Variants in METTL8 observed in about 807,000 individuals in gnomAD.
METTL8 encodes methyltransferase 8, tRNA N3-cytidine, also known as tRNA N(3)-cytidine methyltransferase METTL8, mitochondrial.
Under a neutral mutation model 48.7 loss-of-function variants are expected in METTL8, and 32 were observed. That is an observed-to-expected ratio of 0.66 (90% CI 0.50 to 0.88). The LOEUF (loss-of-function observed/expected upper bound fraction) is 0.88, where lower values mean the gene tolerates loss of function less well. Ranked by LOEUF, METTL8 falls within the 40% of genes least tolerant of loss-of-function variation. The pLI, the probability that METTL8 is intolerant of heterozygous loss-of-function variation, is 0.00. For missense variants in METTL8, 464 were observed against 474.4 expected, an observed-to-expected ratio of 0.98 and a Z score of 0.20; for synonymous variants, 136 against 157.1, an observed-to-expected ratio of 0.87 and a Z score of 1.01.
chr2:171,328,811 T>A lies in METTL8; in HGVS notation c.860+1748A>T, dbSNP rs1246029947. On this transcript the variant is annotated intron_variant, in intron 7 of 9. Transcript: ENST00000375258. ...TTTAAGCAATTCTCCTGTCTCAGCC[T>A]CCCAAGTAGCTGGGACTACAGGTGT... 2.6e-5 allele frequency among the ~76,000 whole-genome samples: 4 copies of A among 152,118 alleles called. No individual in the cohort carries two copies. In the East Asian group the frequency reaches 7.7e-4, roughly 29 times the overall value.
chr2:171,404,982 A>G (rs1429589573), intron 1 of METTL8, among the ~76,000 whole-genome samples: 1 of 152,214 alleles, frequency 6.6e-6, no homozygotes, highest in African/African-American at 2.4e-5. Context: ...CAATGACTAG[A>G]TGTAAAAGTT....
chr2:171,383,789 C>T lies in METTL8; in HGVS notation c.143+8254G>A, dbSNP rs75851745. Among the ~76,000 whole-genome samples, 46 of 152,300 alleles carry T rather than the reference C, an allele frequency of 3.0e-4. 1 individual carries two copies. The East Asian group carries it at 6.4e-3, about 21-fold the overall frequency. On this transcript the variant is annotated intron_variant, in intron 2 of 9. Coordinates refer to ENST00000375258, the MANE Select transcript of METTL8 (RefSeq NM_001321154.2). The stretch of plus-strand genomic sequence containing the variant: ...TTTTGAAAATCGTTTCCTGTCATCA[C>T]CCTCCAAAATTGATAAATGTACTAA...
chr2:171,404,050 C>T (rs1158602148), intron 1 of METTL8, among the ~76,000 whole-genome samples: 1 of 45,438 alleles, frequency 2.2e-5, no homozygotes, highest in African/African-American at 9.7e-5. Flanking sequence ...ACTATGCTTT[C>T]TCATATATAT....
intron 2 of METTL8, among the ~76,000 whole-genome samples, chr2:171,362,419 G>A (rs1199575774): frequency 6.6e-6 from 1 of 152,082 alleles, no homozygotes; most frequent in South Asian, 2.1e-4. Flanking sequence ...AACAATGACA[G>A]AATATGGAGT....
intron 3 of METTL8, among the ~76,000 whole-genome samples, chr2:171,344,700 AG>A: frequency 6.6e-6 from 1 of 152,346 alleles, no homozygotes; most frequent in South Asian, 2.1e-4. Context: ...AACAAAACAG[AG>A]AAGCAGCACC....
intron 1 of METTL8, among the ~76,000 whole-genome samples, chr2:171,408,808 A>G (rs1690453017): frequency 6.6e-6 from 1 of 152,128 alleles, no homozygotes; most frequent in Non-Finnish European, 1.5e-5. Flanking sequence ...GCTAGTCTCA[A>G]TTTCTTTAAT....
intron 7 of METTL8, among the ~76,000 whole-genome samples, chr2:171,327,278 T>A (rs1685052204): frequency 6.6e-6 from 1 of 152,236 alleles, no homozygotes; most frequent in Non-Finnish European, 1.5e-5. Context: ...GTTCATGGCT[T>A]TATGTGTGAT....
intron 2 of METTL8, among the ~76,000 whole-genome samples, chr2:171,375,549 G>A (rs78702011): frequency 6.6e-6 from 1 of 152,024 alleles, no homozygotes; most frequent in Non-Finnish European, 1.5e-5. Flanking sequence ...TCATTTGCAC[G>A]TTTCTAATGA....
chr2:171,383,293 T>C (rs977113010), intron 2 of METTL8, among the ~76,000 whole-genome samples: 4 of 152,258 alleles, frequency 2.6e-5, no homozygotes, highest in African/African-American at 7.2e-5. Context: ...AGAAATCACA[T>C]TGCAACACAC....
At chr2:171,372,853 T>C (rs1686512757) in intron 2 of METTL8, among the ~76,000 whole-genome samples, 1 of 152,228 alleles carries the variant, frequency 6.6e-6, no homozygotes, top group South Asian at 2.1e-4. Flanking sequence ...ATGGTGTATA[T>C]ATGCCATATT....
rs756772158 is a variant in METTL8 at position 171,360,496 on chromosome 2, G to T, written c.161C>A (p.Ser54Tyr). The change falls in exon 3 of 10, where the codon TCT becomes TAT. Residue 54 changes from serine (S) to tyrosine (Y), a missense_variant. Coordinates refer to ENST00000375258, the MANE Select transcript of METTL8 (RefSeq NM_001321154.2). The stretch of plus-strand genomic sequence containing the variant: ...TCTGGCTGCTGCTTCTTCTTCCTTA[G>T]ACCACTGCATGTGATCCCTATTAAA... ...EHNMWDHMQW[S>Y]KEEEAAARKK... 1.9e-6 allele frequency: 3 copies of T among 1,613,382 alleles called. No individual in the cohort carries two copies. The highest frequency in any genetic ancestry group is 2.5e-6 in the Non-Finnish European group (3 of 1,179,902).
chr2:171,359,952 G>C (rs1684996229), intron 3 of METTL8, among the ~76,000 whole-genome samples: 2 of 152,066 alleles, frequency 1.3e-5, no homozygotes, highest in East Asian at 1.9e-4. Context: ...AGGTTGGCAA[G>C]GCTTTTCTTA....
intron 2 of METTL8, among the ~76,000 whole-genome samples, chr2:171,370,588 G>A (rs1412979413): frequency 2.0e-5 from 3 of 152,006 alleles, no homozygotes; most frequent in Admixed American, 1.3e-4. Flanking sequence ...TAAGGAGATC[G>A]AGACCATCCT....
chr2:171,406,095 G>C (rs1690151657), intron 1 of METTL8, among the ~76,000 whole-genome samples: 2 of 152,164 alleles, frequency 1.3e-5, no homozygotes, highest in South Asian at 4.1e-4. Flanking sequence ...TACATTTTCT[G>C]AGAGGCCAGA....
chr2:171,424,610 T>C (rs1164626969), intron 1 of METTL8, among the ~76,000 whole-genome samples: 1 of 152,240 alleles, frequency 6.6e-6, no homozygotes, highest in African/African-American at 2.4e-5. Context: ...ATAGGGCCTG[T>C]AGCCCCTTTG....
At chr2:171,340,723 C>T (rs2105423154) in intron 3 of METTL8, among the ~76,000 whole-genome samples, 1 of 152,166 alleles carries the variant, frequency 6.6e-6, no homozygotes, top group Non-Finnish European at 1.5e-5. Flanking sequence ...TTTACTCCAA[C>T]CTCCCTTTTT....
chr2:171,330,561 G>T lies in METTL8; in HGVS notation c.858C>A (p.Asp286Glu), dbSNP rs781086618. The T allele has an allele frequency of 2.5e-6, 4 of 1,613,136 alleles. No individual in the cohort carries two copies. The Admixed American group carries it at 6.7e-5, about 27-fold the overall frequency. ...TTTGCCCTTTCGTCTTCATTTACCT[G>T]TCAGGATGAATAGAAGAGAGCACAA... is the stretch of plus-strand genomic sequence containing the variant. ...LVFVLSSIHP[D>E]RMQGVVNRLS... The change falls in exon 7 of 10, where the codon GAC becomes GAA. Residue 286 changes from aspartate (D) to glutamate (E), a missense_variant and splice_region_variant. Physicochemically the swap from Asp to Glu is conservative, Grantham distance 45. Transcript: ENST00000375258.
intron 2 of METTL8, among the ~76,000 whole-genome samples, chr2:171,379,222 G>T (rs1200056191): frequency 1.3e-5 from 2 of 152,074 alleles, no homozygotes; most frequent in Non-Finnish European, 2.9e-5. Flanking sequence ...AGAACAAAGA[G>T]ACAATGTACC....
At chr2:171,381,786 T>A (rs1306417587) in intron 2 of METTL8, among the ~76,000 whole-genome samples, 1 of 149,734 alleles carries the variant, frequency 6.7e-6, no homozygotes, top group East Asian at 2.0e-4. Context: ...AACACTTTTT[T>A]TTTTTTTTTT....
Sources: gnomAD v4.1 joint callset for allele counts (sites outside exome capture counted in the v4.1 genomes callset) on GRCh38, gnomAD v4.1.1 for gene constraint, MANE v1.5 for transcripts, NCBI Gene and HGNC (gene_info 2026-07-23, HGNC 2026-07-21) for gene names.